BIRC6: variants seen among roughly 807,000 people sequenced by gnomAD.
The protein encoded by BIRC6 is dual E2 ubiquitin-conjugating enzyme/E3 ubiquitin-protein ligase BIRC6.
BIRC6 carries 98 observed loss-of-function variants against 503.3 expected under a neutral mutation model. That is an observed-to-expected ratio of 0.19 (90% CI 0.17 to 0.23). The LOEUF is 0.23. Ranked by LOEUF, BIRC6 falls within the 10% of genes least tolerant of loss-of-function variation. The pLI, the probability that BIRC6 is intolerant of heterozygous loss-of-function variation, is 1.00. For missense variants in BIRC6, 5,360 were observed against 5,806.0 expected, an observed-to-expected ratio of 0.92 and a Z score of 2.50; for synonymous variants, 2,240 against 2,078.7, an observed-to-expected ratio of 1.08 and a Z score of -2.11.
intron 72 of BIRC6, among the ~76,000 whole-genome samples, chr2:32,610,447 C>T (rs1274673290): frequency 6.6e-6 from 1 of 152,038 alleles, no homozygotes; most frequent in Non-Finnish European, 1.5e-5. Context: ...AAATAAAATC[C>T]CATCTATAAA....
chr2:32,606,108 G>A (rs950746445), intron 71 of BIRC6, among the ~76,000 whole-genome samples: 5 of 152,120 alleles, frequency 3.3e-5, no homozygotes, highest in Non-Finnish European at 2.9e-5. Flanking sequence ...TATGAATTGC[G>A]TAGATAATAT....
intron 6 of BIRC6, among the ~76,000 whole-genome samples, chr2:32,397,812 A>G (rs1252451536): frequency 6.6e-6 from 1 of 152,064 alleles, no homozygotes; most frequent in African/African-American, 2.4e-5. Flanking sequence ...ATTATCAAAT[A>G]TTATTTTCTT....
chr2:32,556,201 G>A (rs567900316), intron 65 of BIRC6, among the ~76,000 whole-genome samples: 35 of 152,314 alleles, frequency 2.3e-4, no homozygotes, highest in Admixed American at 1.2e-3. Flanking sequence ...ATGTGGAAAT[G>A]ACTTTGGTAT....
chr2:32,511,300 C>T (rs193061261), intron 53 of BIRC6, among the ~76,000 whole-genome samples: 28 of 132,718 alleles, frequency 2.1e-4, no homozygotes, highest in Admixed American at 6.8e-4. Flanking sequence ...AAATTGATAC[C>T]AACTTGAATT....
At chr2:32,546,153 T>C (rs957531499) in intron 63 of BIRC6, among the ~76,000 whole-genome samples, 1 of 152,180 alleles carries the variant, frequency 6.6e-6, no homozygotes, top group African/African-American at 2.4e-5. Context: ...CCTTTCCTTT[T>C]TGAACTTTTA....
chr2:32,490,410 C>T (rs2051546495), intron 43 of BIRC6, among the ~76,000 whole-genome samples: 1 of 152,100 alleles, frequency 6.6e-6, no homozygotes, highest in African/African-American at 2.4e-5. Context: ...TAGTGGGCGC[C>T]TGTAGTCCCA....
At chr2:32,491,342 G>T in intron 43 of BIRC6, 83 bp from the exon 44 acceptor site, 1 of 1,317,058 alleles carries the variant, frequency 7.6e-7, no homozygotes. Flanking sequence ...AATTTTCCTT[G>T]GAACTAAAAG....
chr2:32,451,761 ATTTGACAGTTGTTT>A (rs2148598071), intron 22 of BIRC6, among the ~76,000 whole-genome samples: 1 of 152,292 alleles, frequency 6.6e-6, no homozygotes, highest in Non-Finnish European at 1.5e-5. Flanking sequence ...GCACTGCGTT[ATTTGACAGTTGTTT>A]TTTGAAAAGT....
At chr2:32,558,416 G>A (rs1363404546) in intron 65 of BIRC6, among the ~76,000 whole-genome samples, 3 of 152,028 alleles carry the variant, frequency 2.0e-5, no homozygotes, top group Non-Finnish European at 4.4e-5. Context: ...GAGCAGAATA[G>A]GGATTTAAAT....
At chr2:32,576,411 T>C (rs942344030) in intron 66 of BIRC6, among the ~76,000 whole-genome samples, 51 of 152,230 alleles carry the variant, frequency 3.4e-4, no homozygotes, top group African/African-American at 1.1e-3. Context: ...TCAGTGACCT[T>C]TTCCTTTCTC....
chr2:32,483,266 T>G (rs1403011696), intron 39 of BIRC6, among the ~76,000 whole-genome samples: 1 of 152,182 alleles, frequency 6.6e-6, no homozygotes, highest in Non-Finnish European at 1.5e-5. Context: ...TGTGTTTAAT[T>G]TTTTAATAAA....
At chr2:32,374,876 T>C (rs1408584682) in intron 1 of BIRC6, among the ~76,000 whole-genome samples, 1 of 152,298 alleles carries the variant, frequency 6.6e-6, no homozygotes, top group Non-Finnish European at 1.5e-5. Flanking sequence ...AAGTGTTGTA[T>C]TATGGGTGTG....
chr2:32,539,505 T>C (rs962845645), intron 61 of BIRC6, among the ~76,000 whole-genome samples: 2 of 152,202 alleles, frequency 1.3e-5, no homozygotes, highest in African/African-American at 4.8e-5. Context: ...CAGAATTAAA[T>C]TGGAAACCAA....
At chr2:32,516,726 A>G (rs543503872) in intron 55 of BIRC6, among the ~76,000 whole-genome samples, 2 of 152,190 alleles carry the variant, frequency 1.3e-5, no homozygotes, top group African/African-American at 4.8e-5. Context: ...TGAAAGGTAG[A>G]ATTATTTCAA....
chr2:32,515,349 G>C lies in BIRC6; in HGVS notation c.10928G>C (p.Cys3643Ser). Residue 3643 changes from cysteine to serine, a missense_variant, in exon 55 of 74, where the codon TGC (cysteine) becomes TCC (serine). Transcript: ENST00000421745. ...CTTGTGAGGAGTCTGGCTAGTTTCTGCTTTAGCCACATTTCTAGCTCAGAA... is the reference window on the plus strand; with the variant it reads ...CTTGTGAGGAGTCTGGCTAGTTTCTCCTTTAGCCACATTTCTAGCTCAGAA... Reference protein sequence around the residue: ...SLLVRSLASFCFSHISSSESI... With the variant: ...SLLVRSLASFSFSHISSSESI... 1 of 1,613,666 alleles carries C rather than the reference G, an allele frequency of 6.2e-7. No individual in the cohort carries two copies.
intron 36 of BIRC6, 123 bp from the exon 37 acceptor site, chr2:32,479,339 A>G: frequency 1.1e-6 from 1 of 939,496 alleles, no homozygotes; most frequent in South Asian, 1.8e-5. Flanking sequence ...TTTGCCTCAG[A>G]TTCTTTTATA....
At chr2:32,450,402 C>A (rs913738682) in intron 22 of BIRC6, among the ~76,000 whole-genome samples, 1 of 151,892 alleles carries the variant, frequency 6.6e-6, no homozygotes, top group African/African-American at 2.4e-5. Context: ...GCAGAGCTTG[C>A]AGTGAGCTGA....
Position 32,435,530 on chromosome 2 carries a change from G to A in BIRC6, c.3444G>A (p.Pro1148=), listed in dbSNP as rs775264551. 4.3e-5 allele frequency: 67 copies of A among 1,554,612 alleles called. No individual in the cohort carries two copies. Among genetic ancestry groups the A allele is most frequent in the African/African-American group, 5.5e-5 (4 of 73,376 alleles). The part of the protein sequence containing the change: ...LNIEVEQNGK[P]SLVDLNEEMQ... ...TTGAAGTGGAACAAAATGGGAAACC[G>A]TCCCTGGTTGATTTGAATGAAGAAA... Residue 1148 remains proline, a synonymous_variant, in exon 14 of 74, where the codon CCG becomes CCA. Transcript: ENST00000421745.
rs1465838173 is a variant in BIRC6 at position 32,518,349 on chromosome 2, G to A, written c.11445G>A (p.Leu3815=). ...SGFIRRLFLQ[L]MLEDEKVTMF... is the part of the protein sequence containing the mutation. Reference sequence around the variant, plus strand: ...TTATACGAAGATTATTTTTACAGTTGATGCTGGAAGATGAGAAAGTGACAA... The same window carrying A: ...TTATACGAAGATTATTTTTACAGTTAATGCTGGAAGATGAGAAAGTGACAA... The change falls in exon 56 of 74, where the codon TTG becomes TTA. Residue 3815 remains leucine, a synonymous_variant. Coordinates refer to ENST00000421745, the MANE Select transcript of BIRC6 (RefSeq NM_016252.4). The A allele has an allele frequency of 6.2e-7, 1 of 1,607,362 alleles. No individual in the cohort carries two copies. Among genetic ancestry groups the A allele is most frequent in the Admixed American group, 1.7e-5 (1 of 58,100 alleles).
Sources: gnomAD v4.1 joint callset for allele counts (sites outside exome capture counted in the v4.1 genomes callset) on GRCh38, gnomAD v4.1.1 for gene constraint, MANE v1.5 for transcripts, NCBI Gene and HGNC (gene_info 2026-07-23, HGNC 2026-07-21) for gene names.